Variants in ACOT8 observed in about 807,000 individuals in gnomAD.
ACOT8 encodes acyl-coenzyme A thioesterase 8.
In ACOT8, 31 loss-of-function variants were observed where a neutral mutation model predicts 38.4. That is an observed-to-expected ratio of 0.81 (90% CI 0.61 to 1.09). The LOEUF (loss-of-function observed/expected upper bound fraction) is 1.09. ACOT8 is among the 50% of genes least tolerant of loss of function. The pLI is 0.00. For missense variants in ACOT8, 373 were observed against 421.8 expected (o/e 0.88, Z 1.01); for synonymous variants, 158 against 170.3 (o/e 0.93, Z 0.56).
chr20:45,847,737 A>C (rs1984775136), intron 3 of ACOT8: 1 of 151,320 alleles, frequency 6.6e-6, no homozygotes, highest in South Asian at 2.1e-4. Context: ...TCTCAAAAAC[A>C]AACAAACATG....
At chr20:45,847,341 TG>T (rs1440973665) in intron 3 of ACOT8, among the ~76,000 whole-genome samples, 1 of 151,736 alleles carries the variant, frequency 6.6e-6, no homozygotes, top group African/African-American at 2.4e-5. Flanking sequence ...ACCAGGGGCC[TG>T]GGGGAGAGAG....
intron 3 of ACOT8, among the ~76,000 whole-genome samples, chr20:45,846,866 G>A (rs1241554654): frequency 6.6e-6 from 1 of 152,114 alleles, no homozygotes; most frequent in Non-Finnish European, 1.5e-5. Flanking sequence ...GTGGTCTAAT[G>A]GTTAGGGGAA....
chr20:45,843,019 C>G, intron 5 of ACOT8: 7 of 1,100,166 alleles, frequency 6.4e-6, no homozygotes, highest in South Asian at 2.4e-5. Flanking sequence ...CTGAATGCCC[C>G]GATCCCAATC....
intron 4 of ACOT8, 62 bp downstream of exon 4, chr20:45,844,201 A>C: frequency 6.2e-7 from 1 of 1,606,056 alleles, no homozygotes; most frequent in Non-Finnish European, 8.5e-7. Flanking sequence ...CCAAGGCCAC[A>C]CAGCAAATGA....
At chr20:45,856,293 A>G (rs982467490) in intron 1 of ACOT8, among the ~76,000 whole-genome samples, 1 of 152,054 alleles carries the variant, frequency 6.6e-6, no homozygotes, top group Non-Finnish European at 1.5e-5. Context: ...GCCCTCCAAG[A>G]AGTTATTTAC....
rs1984848083 is a variant in ACOT8 at position 45,848,582 on chromosome 20, T to G, written c.356A>C (p.Lys119Thr). The G allele has an allele frequency of 6.2e-7, 1 of 1,613,954 alleles. No individual in the cohort carries two copies. Among genetic ancestry groups the G allele is most frequent in the African/African-American group, 1.3e-5 (1 of 74,898 alleles). The change falls in exon 3 of 6, where the codon AAG becomes ACG. Residue 119 changes from lysine (K) to threonine (T), a missense_variant. Physicochemically the swap from Lys to Thr is moderately conservative, Grantham distance 78. Transcript: ENST00000217455. The part of the protein sequence containing the change: ...VRSVKAVQHG[K>T]PIFICQASFQ... ...GGAGGCCTGGCAGATGAAGATGGGCTTCCCATGTTGCACGGCCTTCACAGA... is the reference window on the plus strand; with the variant it reads ...GGAGGCCTGGCAGATGAAGATGGGCGTCCCATGTTGCACGGCCTTCACAGA...
chr20:45,854,003 GA>G (rs1232601138), intron 2 of ACOT8: 3 of 1,294,098 alleles, frequency 2.3e-6, no homozygotes, highest in Non-Finnish European at 3.0e-6. Flanking sequence ...AACAGGGAAG[GA>G]AAGAAAACAG....
intron 2 of ACOT8, among the ~76,000 whole-genome samples, chr20:45,850,504 G>C (rs750675398): frequency 6.6e-6 from 1 of 152,100 alleles, no homozygotes; most frequent in Non-Finnish European, 1.5e-5. Context: ...GCTATTGTGC[G>C]TCAGAGTTCT....
At chr20:45,853,016 G>A (rs1985162659) in intron 2 of ACOT8, among the ~76,000 whole-genome samples, 3 of 152,152 alleles carry the variant, frequency 2.0e-5, no homozygotes, top group South Asian at 2.1e-4. Context: ...TGATCCGCCC[G>A]CCTCGGCTTC....
At chr20:45,856,883 T>A (rs777571026) in intron 1 of ACOT8, among the ~76,000 whole-genome samples, 5 of 152,230 alleles carry the variant, frequency 3.3e-5, no homozygotes, top group Non-Finnish European at 5.9e-5. Flanking sequence ...CTGTGTGCCC[T>A]TGGGCAAATC....
At position 45,843,720 on chromosome 20, in the gene ACOT8, G is replaced by A. The variant is rs200606705; in HGVS notation, c.648C>T (p.Gly216=). ...MFWVRARGYI[G]EGDMKMHCCV... is the part of the protein sequence containing the mutation. The stretch of plus-strand genomic sequence containing the variant: ...AGCAGTGCATCTTCATGTCGCCCTC[G>A]CCTGCAACAGGTCCCCATCAGCCCT... The change falls in exon 5 of 6, where the codon GGC becomes GGT. Residue 216 remains glycine (G), a splice_region_variant and synonymous_variant. Coordinates refer to ENST00000217455, the MANE Select transcript of ACOT8 (RefSeq NM_005469.4). 208 of 1,605,678 alleles carry A rather than the reference G, an allele frequency of 1.3e-4. No homozygotes were observed. The highest frequency in any genetic ancestry group is 8.3e-4 in the Middle Eastern group (5 of 6,036).
intron 3 of ACOT8, among the ~76,000 whole-genome samples, chr20:45,845,669 C>G (rs985967358): frequency 3.9e-5 from 6 of 152,302 alleles, no homozygotes; most frequent in South Asian, 2.1e-4. Flanking sequence ...CCATTTTCAC[C>G]CCTATCCTCT....
Position 45,843,699 on chromosome 20 carries a change from G to C in ACOT8, c.669C>G (p.His223Gln), listed in dbSNP as rs369064144. 4 of 1,608,616 alleles carry C rather than the reference G, an allele frequency of 2.5e-6. No homozygotes were observed. The African/African-American group carries it at 5.3e-5, about 21-fold the overall frequency. ...GYIGEGDMKMHCCVAAYISDY... is the reference protein window; with the variant it reads ...GYIGEGDMKMQCCVAAYISDY... ...CGGAGATATAGGCGGCCACGCAGCAGTGCATCTTCATGTCGCCCTCGCCTG... is the reference window on the plus strand; with the variant it reads ...CGGAGATATAGGCGGCCACGCAGCACTGCATCTTCATGTCGCCCTCGCCTG... The change falls in exon 5 of 6, where the codon CAC becomes CAG. Residue 223 changes from histidine to glutamine, a missense_variant. Transcript: ENST00000217455.
At chr20:45,844,980 G>A (rs187070663) in intron 3 of ACOT8, among the ~76,000 whole-genome samples, 5 of 152,198 alleles carry the variant, frequency 3.3e-5, no homozygotes, top group East Asian at 1.9e-4. Flanking sequence ...GTACAGTGGC[G>A]CAATCAGCTC....
At chr20:45,845,612 C>G (rs1984631171) in intron 3 of ACOT8, among the ~76,000 whole-genome samples, 2 of 152,178 alleles carry the variant, frequency 1.3e-5, no homozygotes, top group Admixed American at 1.3e-4. Context: ...CCAAGGAACT[C>G]CCTTCAATAC....
At chr20:45,848,128 T>G (rs1229700928) in intron 3 of ACOT8, among the ~76,000 whole-genome samples, 1 of 152,034 alleles carries the variant, frequency 6.6e-6, no homozygotes, top group Non-Finnish European at 1.5e-5. Flanking sequence ...GAGGCTAGTA[T>G]CCAACTCCTG....
At chr20:45,856,806 T>C (rs568676551) in intron 1 of ACOT8, among the ~76,000 whole-genome samples, 2 of 152,134 alleles carry the variant, frequency 1.3e-5, no homozygotes, top group Non-Finnish European at 2.9e-5. Flanking sequence ...GGGCGGGATA[T>C]TGTGAGAAGA....
At chr20:45,847,196 C>T (rs536959730) in intron 3 of ACOT8, among the ~76,000 whole-genome samples, 43 of 151,536 alleles carry the variant, frequency 2.8e-4, no homozygotes, top group African/African-American at 9.7e-4. Context: ...GGCAACAGGG[C>T]GAGACTCTGT....
intron 2 of ACOT8, among the ~76,000 whole-genome samples, chr20:45,851,026 T>TTG (rs990937455): frequency 2.0e-5 from 3 of 152,226 alleles, no homozygotes; most frequent in Non-Finnish European, 4.4e-5. Flanking sequence ...CCCTGACATC[T>TTG]GGGCCATGAG....
Sources: allele counts gnomAD v4.1 joint callset (sites outside exome capture counted in the v4.1 genomes callset), GRCh38; gene constraint gnomAD v4.1.1; transcripts MANE v1.5; gene names NCBI Gene and HGNC (gene_info 2026-07-23, HGNC 2026-07-21).